Variants in ACTR3C observed in about 807,000 individuals in gnomAD.
ACTR3C encodes actin related protein 3C, also known as actin-related protein 3C.
A neutral mutation model predicts 26.3 loss-of-function variants in ACTR3C; 18 were observed. That is an observed-to-expected ratio of 0.68 (90% CI 0.47 to 1.01). The LOEUF (loss-of-function observed/expected upper bound fraction) is 1.01. ACTR3C is among the 50% of genes least tolerant of loss of function. The pLI, the probability that ACTR3C is intolerant of heterozygous loss-of-function variation, is 0.00. For missense variants in ACTR3C, 184 were observed against 250.7 expected, an observed-to-expected ratio of 0.73 and a Z score of 1.80; for synonymous variants, 55 against 94.5, an observed-to-expected ratio of 0.58 and a Z score of 2.42.
chr7:150,259,017 CATATTCACTTGGAAGGGGCAAAA>C (rs1293424811), intron 6 of ACTR3C, among the ~76,000 whole-genome samples: 1 of 151,474 alleles, frequency 6.6e-6, no homozygotes, highest in Non-Finnish European at 1.5e-5. Flanking sequence ...AGAAATAATT[CATATTCACTTGGAAGGGGCAAAA>C]ATATTCACTT....
At chr7:150,023,686 CT>C in the ACTR3C span, among the ~76,000 whole-genome samples, 4 of 149,492 alleles carry the variant, frequency 2.7e-5, no homozygotes, top group African/African-American at 9.9e-5. Flanking sequence ...AGGTTTTATT[CT>C]GGATCTTGGC....
chr7:150,135,700 A>T, the ACTR3C span, among the ~76,000 whole-genome samples: 1 of 152,204 alleles, frequency 6.6e-6, no homozygotes, highest in East Asian at 1.9e-4. Flanking sequence ...ACTGTATTGT[A>T]TGAGGAAACT....
At chr7:150,037,108 G>A in the ACTR3C span, among the ~76,000 whole-genome samples, 622 of 66,466 alleles carry the variant, frequency 9.4e-3, 3 homozygotes, top group Non-Finnish European at 0.012. Flanking sequence ...TAAGAGCCAG[G>A]GGGGGAAGAG....
At chr7:150,040,972 G>A in the ACTR3C span, among the ~76,000 whole-genome samples, 2 of 150,470 alleles carry the variant, frequency 1.3e-5, no homozygotes. Context: ...AAATAGGGAG[G>A]CCGTCCTTTA....
chr7:149,991,127 A>C, the ACTR3C span, among the ~76,000 whole-genome samples: 8,083 of 147,798 alleles, frequency 0.055, 559 homozygotes, highest in African/African-American at 0.19. Flanking sequence ...GGCACGTCTT[A>C]CACGGCAGCA....
chr7:150,184,900 G>A, the ACTR3C span, among the ~76,000 whole-genome samples: 6 of 148,886 alleles, frequency 4.0e-5, no homozygotes, highest in East Asian at 7.8e-4. Flanking sequence ...GCCACGGTTC[G>A]CTTCCTTCAT....
chr7:149,892,726 G>T, the ACTR3C span, among the ~76,000 whole-genome samples: 2 of 119,134 alleles, frequency 1.7e-5, no homozygotes. Context: ...ACATCAGTAG[G>T]TTCCAAATTT....
At chr7:150,190,905 A>G in the ACTR3C span, among the ~76,000 whole-genome samples, 1 of 152,110 alleles carries the variant, frequency 6.6e-6, no homozygotes, top group South Asian at 2.1e-4. Context: ...GCAAAGGGGG[A>G]AAAGCCCCAT....
At chr7:149,917,842 A>T in the ACTR3C span, among the ~76,000 whole-genome samples, 3 of 151,722 alleles carry the variant, frequency 2.0e-5, no homozygotes, top group Non-Finnish European at 4.4e-5. Flanking sequence ...CTTTTGATTG[A>T]GACCCCTGGT....
rs182441807 is a variant in ACTR3C, at chr7:150,294,964, G to C, written c.45+288C>G. On this transcript the variant is annotated intron_variant, in intron 2 of 7. Coordinates refer to ENST00000683684, the MANE Select transcript of ACTR3C (RefSeq NM_001164458.2). ...CTGATCAAAGTCAAAGATGCCAAAAGAAGAAGCACATCTACACCTATATCT... is the reference window on the plus strand; with the variant it reads ...CTGATCAAAGTCAAAGATGCCAAAACAAGAAGCACATCTACACCTATATCT... Among the ~76,000 whole-genome samples, 745 of 151,962 alleles carry C rather than the reference G, an allele frequency of 4.9e-3. 4 individuals are homozygous for C. Among genetic ancestry groups the C allele is most frequent in the African/African-American group, 0.017 (703 of 41,296 alleles).
At chr7:150,003,748 T>G in the ACTR3C span, among the ~76,000 whole-genome samples, 4 of 152,170 alleles carry the variant, frequency 2.6e-5, no homozygotes, top group African/African-American at 9.7e-5. Flanking sequence ...GTGTGTACAG[T>G]GTGGTGTATG....
chr7:150,117,071 C>T, the ACTR3C span, among the ~76,000 whole-genome samples: 3 of 152,208 alleles, frequency 2.0e-5, no homozygotes, highest in African/African-American at 7.2e-5. Flanking sequence ...GCTTTTCCCA[C>T]GGTCTTCACA....
At chr7:150,047,536 C>T in the ACTR3C span, 1 of 954,422 alleles carries the variant, frequency 1.0e-6, no homozygotes, top group Non-Finnish European at 1.3e-6. Context: ...ACAGATGCCC[C>T]CGGCCGACGC....
At chr7:150,217,327 A>G in the ACTR3C span, among the ~76,000 whole-genome samples, 10 of 151,612 alleles carry the variant, frequency 6.6e-5, no homozygotes, top group African/African-American at 9.7e-5. Context: ...ACTTGTCTTG[A>G]TGTCTAACGT....
At chr7:150,086,535 C>T in the ACTR3C span, among the ~76,000 whole-genome samples, 4 of 151,952 alleles carry the variant, frequency 2.6e-5, no homozygotes, top group Non-Finnish European at 5.9e-5. Context: ...GCCCTGCTTT[C>T]TCAAACACAT....
the ACTR3C span, among the ~76,000 whole-genome samples, chr7:150,229,651 ATTT>A: frequency 7.4e-6 from 1 of 134,298 alleles, no homozygotes; most frequent in African/African-American, 2.7e-5. Flanking sequence ...CACACAGCTA[ATTT>A]TTTTTTTTTT....
the ACTR3C span, among the ~76,000 whole-genome samples, chr7:150,030,397 CCTTT>C: frequency 7.3e-5 from 11 of 151,518 alleles, no homozygotes; most frequent in African/African-American, 2.2e-4. Flanking sequence ...AGATAGACAG[CCTTT>C]CTGTCACCAG....
At chr7:150,153,900 A>T in the ACTR3C span, among the ~76,000 whole-genome samples, 1 of 144,896 alleles carries the variant, frequency 6.9e-6, no homozygotes, top group African/African-American at 2.6e-5. Context: ...GCCATAAAAA[A>T]TGATGAGTTC....
At chr7:150,225,041 G>A in the ACTR3C span, among the ~76,000 whole-genome samples, 180 of 150,126 alleles carry the variant, frequency 1.2e-3, 2 homozygotes, top group Non-Finnish European at 4.1e-4. Context: ...GTGTGTGTGT[G>A]TGTGTTTGCC....
Sources: allele counts gnomAD v4.1 joint callset (sites outside exome capture counted in the v4.1 genomes callset), GRCh38; gene constraint gnomAD v4.1.1; transcripts MANE v1.5; gene names NCBI Gene and HGNC (gene_info 2026-07-23, HGNC 2026-07-21).